XPNPEP1: variants seen among roughly 807,000 people sequenced by gnomAD.
XPNPEP1 encodes X-prolyl aminopeptidase 1.
In XPNPEP1, 39 loss-of-function variants were observed where a neutral mutation model predicts 92.4. The observed-to-expected ratio is 0.42, with a 90% CI of 0.33 to 0.55. The LOEUF (loss-of-function observed/expected upper bound fraction) is 0.55. XPNPEP1 is among the 20% of genes least tolerant of loss of function. The probability of loss-of-function intolerance (pLI) is 0.08; values close to 1 mark genes in which losing one functional copy is unlikely to be tolerated. For missense variants in XPNPEP1, 654 were observed against 856.1 expected, an observed-to-expected ratio of 0.76 and a Z score of 2.95; for synonymous variants, 307 against 299.4, an observed-to-expected ratio of 1.03 and a Z score of -0.26.
At chr10:109,922,377 C>T (rs2133596379) in intron 1 of XPNPEP1, among the ~76,000 whole-genome samples, 1 of 152,310 alleles carries the variant, frequency 6.6e-6, no homozygotes, top group Non-Finnish European at 1.5e-5. Flanking sequence ...TATCCACTTG[C>T]CTGACTCCAT....
intron 6 of XPNPEP1, 119 bp downstream of exon 6, chr10:109,888,384 T>A: frequency 8.0e-7 from 1 of 1,248,878 alleles, no homozygotes; most frequent in Non-Finnish European, 1.1e-6. Flanking sequence ...TGACCTCTAC[T>A]ATAAAATCAG....
At chr10:109,869,821 C>T (rs755443421) in intron 19 of XPNPEP1, 132 bp downstream of exon 19, 279 of 848,830 alleles carry the variant, frequency 3.3e-4, no homozygotes, top group Non-Finnish European at 5.0e-4. Context: ...GACATTAAGT[C>T]TTCATCTTCC....
chr10:109,904,599 A>G (rs1423212191), intron 3 of XPNPEP1, among the ~76,000 whole-genome samples: 1 of 152,200 alleles, frequency 6.6e-6, no homozygotes, highest in Non-Finnish European at 1.5e-5. Flanking sequence ...TCCTGCAGCT[A>G]TGAAACTCAT....
At chr10:109,906,868 C>T (rs141304118) in intron 3 of XPNPEP1, among the ~76,000 whole-genome samples, 2 of 152,294 alleles carry the variant, frequency 1.3e-5, no homozygotes, top group East Asian at 3.9e-4. Context: ...CAACTGTCTC[C>T]CCTGTGCCAT....
chr10:109,868,923 C>G (rs151068113), intron 19 of XPNPEP1, among the ~76,000 whole-genome samples: 269 of 152,268 alleles, frequency 1.8e-3, no homozygotes, highest in Non-Finnish European at 3.1e-3. Context: ...CCTGTGCCAT[C>G]AGGAAAGGCC....
chr10:109,875,502 T>C (rs747599949), intron 15 of XPNPEP1, 26 bp downstream of exon 15: 3 of 1,611,540 alleles, frequency 1.9e-6, no homozygotes, highest in African/African-American at 1.3e-5. Context: ...CATAGTCAAG[T>C]TCCACAGCAG....
At chr10:109,908,407 A>T (rs2133531691) in intron 2 of XPNPEP1, among the ~76,000 whole-genome samples, 1 of 152,338 alleles carries the variant, frequency 6.6e-6, no homozygotes, top group South Asian at 2.1e-4. Flanking sequence ...GATCGAGACC[A>T]TCCTGGCCAA....
intron 1 of XPNPEP1, among the ~76,000 whole-genome samples, chr10:109,919,795 A>T (rs1850429978): frequency 6.6e-6 from 1 of 152,210 alleles, no homozygotes; most frequent in Admixed American, 6.5e-5. Context: ...GCACTTTGGG[A>T]GGCTGAGACG....
chr10:109,873,320 C>A, intron 16 of XPNPEP1, 47 bp downstream of exon 16: 2 of 1,607,820 alleles, frequency 1.2e-6, no homozygotes, highest in Non-Finnish European at 1.7e-6. Context: ...CAATGCTCTT[C>A]TTAAGAAAGC....
intron 18 of XPNPEP1, 24 bp downstream of exon 18, chr10:109,870,707 G>A (rs921588739): frequency 6.2e-7 from 1 of 1,607,428 alleles, no homozygotes; most frequent in Non-Finnish European, 8.5e-7. Flanking sequence ...ATCCACGCAT[G>A]CCCTCTATGT....
intron 3 of XPNPEP1, among the ~76,000 whole-genome samples, 187 bp downstream of exon 3, chr10:109,907,504 G>C (rs552647820): frequency 2.6e-5 from 4 of 152,310 alleles, no homozygotes; most frequent in South Asian, 4.1e-4. Context: ...TAAGTCACTG[G>C]AATCAAGGAA....
chr10:109,870,393 A>G (rs965134087), intron 18 of XPNPEP1, among the ~76,000 whole-genome samples: 2 of 152,242 alleles, frequency 1.3e-5, no homozygotes, highest in South Asian at 4.1e-4. Flanking sequence ...TGTATCAAGT[A>G]AGAAAGCAGA....
chr10:109,920,304 T>C (rs1850468971), intron 1 of XPNPEP1, among the ~76,000 whole-genome samples: 1 of 152,204 alleles, frequency 6.6e-6, no homozygotes, highest in Non-Finnish European at 1.5e-5. Flanking sequence ...GTGATGATAG[T>C]TGTACAACTC....
intron 1 of XPNPEP1, among the ~76,000 whole-genome samples, chr10:109,919,413 C>A (rs368849104): frequency 6.6e-6 from 1 of 152,204 alleles, no homozygotes; most frequent in East Asian, 1.9e-4. Context: ...AAACACAAAT[C>A]GAAACCACAA....
rs1305004438 is a variant in XPNPEP1, at chr10:109,907,671, G to A, written c.246+20C>T. 2 of 1,613,886 alleles carry A rather than the reference G, an allele frequency of 1.2e-6. No homozygotes were observed. The highest frequency in any genetic ancestry group is 1.7e-5 in the Admixed American group (1 of 59,960). ...GAAAAAAGACTGAAAAGAAAGGAGA[G>A]GCCCATTGCCATGCAGTACCTGATG... On this transcript the variant is annotated intron_variant, in intron 3 of 20. Transcript: ENST00000502935.
intron 1 of XPNPEP1, among the ~76,000 whole-genome samples, chr10:109,917,202 T>C (rs548748837): frequency 4.9e-4 from 74 of 152,276 alleles, no homozygotes; most frequent in African/African-American, 1.8e-3. Flanking sequence ...ACTATCTCTA[T>C]TTGCAATTGA....
At chr10:109,891,421 T>C (rs1848697093) in intron 5 of XPNPEP1, 1 of 225,842 alleles carries the variant, frequency 4.4e-6, no homozygotes, top group Non-Finnish European at 8.6e-6. Context: ...CAGCAAATAG[T>C]AGAAGGCCCC....
intron 12 of XPNPEP1, 56 bp from the exon 13 acceptor site, chr10:109,878,114 A>C: frequency 6.2e-7 from 1 of 1,600,450 alleles, no homozygotes; most frequent in Admixed American, 1.7e-5. Context: ...TGTGCCTCTT[A>C]CAAATTAGAG....
In XPNPEP1 at chr10:109,868,628, G is replaced by T; in HGVS notation, c.1858C>A (p.Leu620Ile). The T allele has an allele frequency of 1.2e-6, 2 of 1,613,760 alleles. No individual in the cohort carries two copies. Among genetic ancestry groups the T allele is most frequent in the Non-Finnish European group, 1.7e-6 (2 of 1,179,832 alleles). ...TTCCCCATTACCTCTTTGTCTGTAA[G>T]AGAATCCACATCTATCATTTTGGTC... ...IQTKMIDVDSLTDKECDWLNN... is the reference protein window; with the variant it reads ...IQTKMIDVDSITDKECDWLNN... Residue 620 changes from leucine (L) to isoleucine (I), a missense_variant, in exon 20 of 21, where the codon CTT (leucine) becomes ATT (isoleucine). Physicochemically the swap from Leu to Ile is conservative, Grantham distance 5. Transcript: ENST00000502935.
Sources: allele counts gnomAD v4.1 joint callset (sites outside exome capture counted in the v4.1 genomes callset), GRCh38; gene constraint gnomAD v4.1.1; transcripts MANE v1.5; gene names NCBI Gene and HGNC (gene_info 2026-07-23, HGNC 2026-07-21).